CEP250: variants seen among roughly 807,000 people sequenced by gnomAD.
CEP250 encodes the protein centrosomal protein 250.
CEP250 carries 242 observed loss-of-function variants against 315.7 expected under a neutral mutation model. That is an observed-to-expected ratio of 0.77 (90% confidence interval 0.69 to 0.85). The LOEUF is 0.85. Among genes scored for constraint, CEP250 ranks in the 40% least tolerant of loss-of-function variants. The pLI is 0.00. For synonymous variants in CEP250, 1,088 were observed against 1,175.0 expected (o/e 0.93, Z 1.51); for missense variants, 2,515 against 2,886.4 (o/e 0.87, Z 2.95).
chr20:35,473,320 C>T, intron 12 of CEP250, 54 bp from the exon 13 acceptor site: 1 of 1,511,632 alleles, frequency 6.6e-7, no homozygotes, highest in Non-Finnish European at 9.0e-7. Context: ...GGGGTTCTGA[C>T]ATCCCTCCTT....
At chr20:35,472,896 G>T (rs1000267575) in intron 12 of CEP250, 65 bp downstream of exon 12, 2 of 1,525,886 alleles carry the variant, frequency 1.3e-6, no homozygotes, top group Admixed American at 3.4e-5. Flanking sequence ...TGTGCCTCAG[G>T]TACCTCCCTA....
chr20:35,511,714 T>C lies in CEP250; in HGVS notation c.*88T>C. 3 of 1,489,242 alleles carry C rather than the reference T, an allele frequency of 2.0e-6. No individual in the cohort carries two copies. Among genetic ancestry groups the C allele is most frequent in the Non-Finnish European group, 2.7e-6 (3 of 1,120,996 alleles). The allele number at this position is 1,489,242 out of a possible 1,614,324, so 92.3% of individuals were successfully genotyped here. ...CTACAGGTTTGCCAAAGGAAAAGCC[T>C]GGCTCTGTTAGGCACCCAGGAGCCC... On this transcript the variant is annotated 3_prime_UTR_variant, in exon 35 of 35. Transcript: ENST00000397527.
intron 24 of CEP250, among the ~76,000 whole-genome samples, chr20:35,495,732 A>G (rs563613902): frequency 6.6e-6 from 1 of 152,286 alleles, no homozygotes; most frequent in Admixed American, 6.5e-5. Context: ...CCTCGGTGAC[A>G]GAACGAGACT....
chr20:35,469,135 C>A (rs1177215822), intron 9 of CEP250, among the ~76,000 whole-genome samples: 2 of 151,994 alleles, frequency 1.3e-5, no homozygotes, highest in African/African-American at 4.8e-5. Flanking sequence ...CATAGTGAGA[C>A]CTTGTCTCTA....
At position 35,519,091 on chromosome 20, in the gene CEP250, G is replaced by C. The variant is rs756181058; in HGVS notation, c.*7465G>C. Reference sequence around the variant, plus strand: ...AATCTGGATTGCAGGGCTGATCGTTGCTAATGGAGTGTTATGGCTGTTCAG... The same window carrying C: ...AATCTGGATTGCAGGGCTGATCGTTCCTAATGGAGTGTTATGGCTGTTCAG... On this transcript the variant is annotated 3_prime_UTR_variant, in exon 35 of 35. Transcript: ENST00000397527. 1 of 151,972 alleles carries C rather than the reference G, an allele frequency of 6.6e-6. No individual in the cohort carries two copies. The highest frequency in any genetic ancestry group is 1.5e-5 in the Non-Finnish European group (1 of 68,004). The allele number at this position is 151,972 out of a possible 1,614,324, so 9.4% of individuals were successfully genotyped here. A position where few individuals can be genotyped will look rare whatever the true frequency, so the allele number is the denominator to read the frequency against.
intron 22 of CEP250, 109 bp downstream of exon 22, chr20:35,491,455 G>T: frequency 8.4e-7 from 1 of 1,186,088 alleles, no homozygotes; most frequent in South Asian, 1.4e-5. Flanking sequence ...GCTAGGTGCT[G>T]ACATATGACA....
chr20:35,460,471 A>G lies in CEP250; in HGVS notation c.-104+366A>G, dbSNP rs192641475. Among the ~76,000 whole-genome samples, 110 of 152,334 alleles carry G rather than the reference A, an allele frequency of 7.2e-4. 1 individual carries two copies. The highest frequency in any genetic ancestry group is 2.5e-3 in the African/African-American group (106 of 41,576). ...CATAGGGGAGGCCATGATGAACTGG[A>G]GAGCACATGCCCTGTCTAAAGGGGG... On this transcript the variant is annotated intron_variant, in intron 3 of 34. Transcript: ENST00000397527.
chr20:35,467,943 C>CTT lies in CEP250; in HGVS notation c.851+407_851+408dup, dbSNP rs10649518. On this transcript the variant is annotated intron_variant, in intron 9 of 34. Transcript: ENST00000397527. Reference sequence around the variant, plus strand: ...CTAAGACATAGTTCAAATATTACCTCTTTTTTTTTTTTTTTTTTTTGAGAC... The same window carrying CTT: ...CTAAGACATAGTTCAAATATTACCTCTTTTTTTTTTTTTTTTTTTTTTGAGAC... Among the ~76,000 whole-genome samples, 289 of 117,936 alleles carry CTT rather than the reference C, an allele frequency of 2.5e-3. 13 individuals carry two copies. The highest frequency in any genetic ancestry group is 6.9e-3 in the African/African-American group (197 of 28,424). 77.4% of individuals were successfully genotyped at this position (117,936 alleles called of 152,430 possible). A position where few individuals can be genotyped will look rare whatever the true frequency, so the allele number is the denominator to read the frequency against.
intron 22 of CEP250, among the ~76,000 whole-genome samples, 191 bp from the exon 23 acceptor site, chr20:35,493,238 T>C (rs143548447): frequency 6.6e-6 from 1 of 152,024 alleles, no homozygotes; most frequent in African/African-American, 2.4e-5. Context: ...TACCAATTCA[T>C]GGACTCTGAC....
intron 23 of CEP250, chr20:35,494,263 C>T (rs571019599): frequency 9.0e-5 from 36 of 400,666 alleles, no homozygotes; most frequent in South Asian, 4.8e-4. Context: ...TGTGAGCCAC[C>T]GCACCCAGCC....
intron 9 of CEP250, among the ~76,000 whole-genome samples, chr20:35,468,158 AGGC>A (rs1320353941): frequency 6.6e-6 from 1 of 152,078 alleles, no homozygotes; most frequent in Non-Finnish European, 1.5e-5. Flanking sequence ...CATGTTGGTC[AGGC>A]TGGTCTCAAA....
intron 28 of CEP250, 39 bp from the exon 29 acceptor site, chr20:35,501,806 A>G: frequency 6.5e-7 from 1 of 1,528,186 alleles, no homozygotes; most frequent in East Asian, 2.4e-5. Context: ...CATGGGTCTT[A>G]CTCCACTACC....
At chr20:35,497,638 T>G in intron 25 of CEP250, 81 bp from the exon 26 acceptor site, 6 of 950,074 alleles carry the variant, frequency 6.3e-6, no homozygotes, top group South Asian at 1.7e-5. Context: ...TGTACAAGGA[T>G]TGAGTGGGGT....
intron 20 of CEP250, among the ~76,000 whole-genome samples, chr20:35,480,666 C>T (rs2063323054): frequency 1.4e-5 from 2 of 147,130 alleles, no homozygotes; most frequent in South Asian, 4.4e-4. Context: ...ATTCTTGGCT[C>T]ACTGCAACCT....
At chr20:35,499,172 G>A (rs983158562) in intron 27 of CEP250, among the ~76,000 whole-genome samples, 3 of 152,182 alleles carry the variant, frequency 2.0e-5, no homozygotes, top group African/African-American at 7.2e-5. Flanking sequence ...CTACTCAGGA[G>A]GCTGAGGCAG....
chr20:35,513,563 G>A lies in CEP250; in HGVS notation c.*1937G>A, dbSNP rs1286365576. 1 of 152,164 alleles carries A rather than the reference G, an allele frequency of 6.6e-6. No individual in the cohort carries two copies. The allele number at this position is 152,164 out of a possible 1,614,324, so 9.4% of individuals were successfully genotyped here. On this transcript the variant is annotated 3_prime_UTR_variant, in exon 35 of 35. Coordinates refer to ENST00000397527, the MANE Select transcript of CEP250 (RefSeq NM_007186.6). Reference sequence around the variant, plus strand: ...ATGAGCCACCGCGCCCGGCCCTTTAGGCCATTTTTATGCTAGGAGTTGTCA... The same window carrying A: ...ATGAGCCACCGCGCCCGGCCCTTTAAGCCATTTTTATGCTAGGAGTTGTCA...
At chr20:35,478,199 C>T (rs1321181222) in intron 17 of CEP250, 98 bp downstream of exon 17, 6 of 819,158 alleles carry the variant, frequency 7.3e-6, no homozygotes, top group Non-Finnish European at 1.2e-5. Context: ...GTGAAAAAGT[C>T]TTACTTCCTA....
chr20:35,498,077 C>T lies in CEP250; in HGVS notation c.3655+10C>T. ...TGGGGCCTTGAGCCAGGTGAGACAG[C>T]CTCCCCAGAACTAGGTCCTTTGGGC... is the stretch of plus-strand genomic sequence containing the variant. On this transcript the variant is annotated intron_variant, in intron 26 of 34. Coordinates refer to ENST00000397527, the MANE Select transcript of CEP250 (RefSeq NM_007186.6). 6.5e-7 allele frequency: 1 copy of T among 1,542,666 alleles called. No individual in the cohort carries two copies.
At chr20:35,462,140 GA>G (rs1332691193) in intron 3 of CEP250, 124 bp from the exon 4 acceptor site, 5 of 363,688 alleles carry the variant, frequency 1.4e-5, no homozygotes, top group Non-Finnish European at 2.5e-5. Flanking sequence ...TAAATTTGGG[GA>G]ATGATGCTCA....
Sources: allele counts gnomAD v4.1 joint callset (sites outside exome capture counted in the v4.1 genomes callset), GRCh38; gene constraint gnomAD v4.1.1; transcripts MANE v1.5; gene names NCBI Gene and HGNC (gene_info 2026-07-23, HGNC 2026-07-21).